The following OSBPL3 variants were observed in gnomAD, a reference collection of about 807,000 sequenced individuals.
OSBPL3 encodes oxysterol-binding protein-related protein 3.
OSBPL3 carries 65 observed loss-of-function variants against 120.1 expected under a neutral mutation model. That is an observed-to-expected ratio of 0.54 (90% CI 0.44 to 0.67). The LOEUF (loss-of-function observed/expected upper bound fraction) is 0.67. Among genes scored for constraint, OSBPL3 ranks in the 30% least tolerant of loss-of-function variants. OSBPL3 has a pLI of 0.00. For missense variants in OSBPL3, 1,004 were observed against 1,082.1 expected (o/e 0.93, Z 1.01); for synonymous variants, 416 against 402.6 (o/e 1.03, Z -0.40).
intron 2 of OSBPL3, among the ~76,000 whole-genome samples, chr7:24,882,470 T>A (rs901239408): frequency 6.6e-5 from 10 of 152,200 alleles, no homozygotes; most frequent in African/African-American, 2.4e-4. Flanking sequence ...ATTCCATGTG[T>A]GTATATATTT....
chr7:24,897,357 GCT>G (rs1562900025), intron 1 of OSBPL3, among the ~76,000 whole-genome samples: 1 of 121,346 alleles, frequency 8.2e-6, no homozygotes, highest in African/African-American at 3.3e-5. Context: ...ACGGAGTCTC[GCT>G]CTGTCGCCCA....
intron 10 of OSBPL3, among the ~76,000 whole-genome samples, chr7:24,856,909 T>G (rs1026232345): frequency 6.6e-6 from 1 of 152,224 alleles, no homozygotes; most frequent in African/African-American, 2.4e-5. Flanking sequence ...TAACCCATAT[T>G]CCATCCAAAT....
At chr7:24,858,105 C>T (rs1205776571) in intron 10 of OSBPL3, among the ~76,000 whole-genome samples, 1 of 152,134 alleles carries the variant, frequency 6.6e-6, no homozygotes, top group Non-Finnish European at 1.5e-5. Context: ...AACAATATGC[C>T]ATAAAAATCA....
chr7:24,906,898 C>G (rs1281191115), intron 1 of OSBPL3, among the ~76,000 whole-genome samples: 1 of 152,164 alleles, frequency 6.6e-6, no homozygotes, highest in Non-Finnish European at 1.5e-5. Context: ...CCCCCACACT[C>G]CAGTCCCCAG....
chr7:24,804,211 G>C lies in OSBPL3; in HGVS notation c.2567+104C>G. ...CACGTGGAAGCAGGAAAAGCCTGGAGAATGCTCTTATCTGGGGACAGTACT... is the reference window on the plus strand; with the variant it reads ...CACGTGGAAGCAGGAAAAGCCTGGACAATGCTCTTATCTGGGGACAGTACT... On this transcript the variant is annotated intron_variant, in intron 22 of 22. Transcript: ENST00000313367. The surrounding 1 kb of genome is among the most constrained non-coding windows in gnomAD (Gnocchi z 5.4). 7.3e-7 allele frequency: 1 copy of C among 1,364,930 alleles called. No homozygotes were observed. Among genetic ancestry groups the C allele is most frequent in the Non-Finnish European group, 1.0e-6 (1 of 971,512 alleles). 84.6% of individuals were successfully genotyped at this position (1,364,930 alleles called of 1,614,324 possible). A position where few individuals can be genotyped will look rare whatever the true frequency, so the allele number is the denominator to read the frequency against.
chr7:24,840,729 T>C lies in OSBPL3; in HGVS notation c.1456A>G (p.Asn486Asp). The C allele has an allele frequency of 6.8e-7, 1 of 1,467,848 alleles. No homozygotes were observed. Among genetic ancestry groups the C allele is most frequent in the South Asian group, 1.2e-5 (1 of 80,916 alleles). 90.9% of individuals were successfully genotyped at this position (1,467,848 alleles called of 1,614,324 possible). A position where few individuals can be genotyped will look rare whatever the true frequency, so the allele number is the denominator to read the frequency against. ...SDISDNLSLD[N>D]LSNDLDNERQ... ...TCATTATCTAAATCATTACTGAGATTATCTAAGGAAAGATTATCACTTATG... is the reference window on the plus strand; with the variant it reads ...TCATTATCTAAATCATTACTGAGATCATCTAAGGAAAGATTATCACTTATG... The change falls in exon 14 of 23, where the codon AAT becomes GAT. Residue 486 changes from asparagine (N) to aspartate (D), a missense_variant. Asn to Asp is a conservative substitution (Grantham distance 23). This residue lies in a region of OSBPL3 where 473 missense variants were observed against 568.0 expected (regional missense o/e 0.83). Coordinates refer to ENST00000313367, the MANE Select transcript of OSBPL3 (RefSeq NM_015550.4).
At position 24,821,685 on chromosome 7, in the gene OSBPL3, A is replaced by T. The variant is rs76215895; in HGVS notation, c.1885-1447T>A. On this transcript the variant is annotated intron_variant, in intron 16 of 22. Transcript: ENST00000313367. This position sits in a 1 kb window ranked among gnomAD's most constrained non-coding sequence, Gnocchi z 5.5. ...AGGCATCTTTCAGATTCCTCAATAA[A>T]CACCAACGCCAGCTGCAATACAAAG... Among the ~76,000 whole-genome samples the T allele has an allele frequency of 0.015, 2,218 of 152,266 alleles. 49 individuals carry two copies. Among genetic ancestry groups the T allele is most frequent in the African/African-American group, 0.05 (2,071 of 41,534 alleles).
At chr7:24,910,444 C>T (rs527895247) in intron 1 of OSBPL3, among the ~76,000 whole-genome samples, 13 of 152,252 alleles carry the variant, frequency 8.5e-5, no homozygotes, top group African/African-American at 2.9e-4. Context: ...GGAAGAAATA[C>T]TTATGAATAA....
intron 6 of OSBPL3, 57 bp downstream of exon 6, chr7:24,866,013 C>T: frequency 7.0e-7 from 1 of 1,419,962 alleles, no homozygotes; most frequent in Non-Finnish European, 9.9e-7. Context: ...CAAGACAGGA[C>T]TCCATGAAAC....
chr7:24,886,907 T>C (rs1018199230), intron 2 of OSBPL3, among the ~76,000 whole-genome samples: 10 of 152,184 alleles, frequency 6.6e-5, no homozygotes, highest in African/African-American at 1.7e-4. Context: ...AAGGAAACCA[T>C]TTGACAATGA....
chr7:24,823,097 A>C (rs17213131), intron 16 of OSBPL3, among the ~76,000 whole-genome samples: 29,881 of 152,086 alleles, frequency 0.2, 3,776 homozygotes, highest in Non-Finnish European at 0.28. Flanking sequence ...GTGTCCGGGA[A>C]CGAGGGAAAG....
chr7:24,800,479 T>C (rs779576949), intron 22 of OSBPL3, among the ~76,000 whole-genome samples, 200 bp from the exon 23 acceptor site: 179 of 140,166 alleles, frequency 1.3e-3, no homozygotes, highest in Non-Finnish European at 2.1e-3. Flanking sequence ...TTTTTTGAGA[T>C]GGAGGCTCGC....
In OSBPL3 at chr7:24,834,817, C is replaced by G; in HGVS notation, c.1496-81G>C. On this transcript the variant is annotated intron_variant, in intron 14 of 22. Transcript: ENST00000313367. This position sits in a 1 kb window ranked among gnomAD's most constrained non-coding sequence, Gnocchi z 5.2. Reference sequence around the variant, plus strand: ...TTTTTAATCCACGAATAAAACCTTACGTAGCAAGTAGTCAATGTTACTATT... The same window carrying G: ...TTTTTAATCCACGAATAAAACCTTAGGTAGCAAGTAGTCAATGTTACTATT... 1 of 1,257,232 alleles carries G rather than the reference C, an allele frequency of 8.0e-7. No homozygotes were observed. The highest frequency in any genetic ancestry group is 1.1e-6 in the Non-Finnish European group (1 of 924,844). The allele number at this position is 1,257,232 out of a possible 1,614,324, so 77.9% of individuals were successfully genotyped here.
chr7:24,874,714 T>C (rs1802616672), intron 2 of OSBPL3, among the ~76,000 whole-genome samples: 1 of 152,200 alleles, frequency 6.6e-6, no homozygotes, highest in Admixed American at 6.5e-5. Flanking sequence ...TCATTTTATC[T>C]TCCACCTGGG....
rs1393083123 is a variant in OSBPL3, at chr7:24,912,192, A to C, written c.-149-19571T>G. Among the ~76,000 whole-genome samples the C allele has an allele frequency of 6.6e-6, 1 of 152,244 alleles. No individual in the cohort carries two copies. The highest frequency in any genetic ancestry group is 2.4e-5 in the African/African-American group (1 of 41,462). ...AAATATTCTCAAGTATCCATTTATCAAACTTTAAAAATTTGTGGAAAGATA... is the reference window on the plus strand; with the variant it reads ...AAATATTCTCAAGTATCCATTTATCCAACTTTAAAAATTTGTGGAAAGATA... On this transcript the variant is annotated intron_variant, in intron 1 of 22. Coordinates refer to ENST00000313367, the MANE Select transcript of OSBPL3 (RefSeq NM_015550.4). This position sits in a 1 kb window ranked among gnomAD's most constrained non-coding sequence, Gnocchi z 4.5.
rs143950847 is a variant in OSBPL3 at position 24,830,923 on chromosome 7, G to T, written c.1747-18C>A. On this transcript the variant is annotated intron_variant, in intron 15 of 22. Transcript: ENST00000313367. The surrounding 1 kb of genome is among the most constrained non-coding windows in gnomAD (Gnocchi z 4.4). The stretch of plus-strand genomic sequence containing the variant: ...ACATATACCTAAGGACAAGAGAAAA[G>T]AACTTTGTCATTTCCGTGTCACCAA... 57 of 1,574,862 alleles carry T rather than the reference G, an allele frequency of 3.6e-5. No individual in the cohort carries two copies. The East Asian group carries it at 1.3e-3, about 35-fold the overall frequency.
Position 24,865,979 on chromosome 7 carries a change from T to C in OSBPL3, c.549+91A>G, listed in dbSNP as rs575002393. On this transcript the variant is annotated intron_variant, in intron 6 of 22. Transcript: ENST00000313367. ...GCCTACCCTGCTTGTCCCCGAAAAC[T>C]TTTCCTTCTTCGGACTCAGCTCCCA... 65 of 1,043,704 alleles carry C rather than the reference T, an allele frequency of 6.2e-5. No individual in the cohort carries two copies. In the African/African-American group the frequency reaches 1.0e-3, roughly 16 times the overall value. The allele number at this position is 1,043,704 out of a possible 1,614,324, so 64.7% of individuals were successfully genotyped here. A position where few individuals can be genotyped will look rare whatever the true frequency, so the allele number is the denominator to read the frequency against.
At chr7:24,850,912 G>C (rs79332984) in intron 11 of OSBPL3, among the ~76,000 whole-genome samples, 11,658 of 152,256 alleles carry the variant, frequency 0.077, 606 homozygotes, top group Non-Finnish European at 0.12. Context: ...AGCCAAAAAG[G>C]AAAGAAAGGA....
intron 1 of OSBPL3, among the ~76,000 whole-genome samples, chr7:24,951,479 T>A (rs1000254776): frequency 1.3e-5 from 2 of 152,158 alleles, no homozygotes; most frequent in Non-Finnish European, 2.9e-5. Context: ...TGACTACAGA[T>A]GTGGGCACAA....
Sources: gnomAD v4.1 joint callset for allele counts (sites outside exome capture counted in the v4.1 genomes callset) on GRCh38, gnomAD v4.1.1 for gene constraint, gnomAD v4.1.1 regional missense constraint, Gnocchi (gnomAD v3.1) non-coding constraint, MANE v1.5 for transcripts, NCBI Gene and HGNC (gene_info 2026-07-23, HGNC 2026-07-21) for gene names.